Variants in PPP1R9A observed in about 807,000 individuals in gnomAD.
PPP1R9A encodes the protein protein phosphatase 1 regulatory subunit 9A.
A neutral mutation model predicts 141.9 loss-of-function variants in PPP1R9A; 59 were observed. The observed-to-expected ratio is 0.42, with a 90% CI of 0.34 to 0.52. The LOEUF is 0.52. Among genes scored for constraint, PPP1R9A ranks in the 20% least tolerant of loss-of-function variants. PPP1R9A has a pLI of 0.10. For missense variants in PPP1R9A, 1,444 were observed against 1,611.9 expected (o/e 0.90, Z 1.78); for synonymous variants, 500 against 569.7 (o/e 0.88, Z 1.74).
intron 7 of PPP1R9A, among the ~76,000 whole-genome samples, chr7:95,224,708 G>A (rs1794904439): frequency 6.6e-6 from 1 of 152,034 alleles, no homozygotes; most frequent in African/African-American, 2.4e-5. Context: ...GCAAACATAG[G>A]TGGGGGGAAA....
chr7:95,108,005 T>C (rs1452548108), intron 2 of PPP1R9A, among the ~76,000 whole-genome samples: 14 of 152,088 alleles, frequency 9.2e-5, no homozygotes, highest in Admixed American at 9.2e-4. Flanking sequence ...ACTAAGTGTT[T>C]TATTGTTTTG....
At chr7:95,216,796 G>A (rs987742269) in intron 7 of PPP1R9A, among the ~76,000 whole-genome samples, 14 of 152,164 alleles carry the variant, frequency 9.2e-5, no homozygotes, top group Non-Finnish European at 1.9e-4. Context: ...AAGAATGCTT[G>A]TGATTTTTGC....
At position 95,010,373 on chromosome 7, in the gene PPP1R9A, C is replaced by T. The variant is rs183871885; in HGVS notation, c.1395+98865C>T. 8.1e-4 allele frequency among the ~76,000 whole-genome samples: 124 copies of T among 152,148 alleles called. 3 individuals carry two copies. The East Asian group carries it at 0.014, about 17-fold the overall frequency. ...GAGCTGTGATTGTGCCACTGCACTCCAGCCTGGGTAACAGAGTGAGACTCT... is the reference window on the plus strand; with the variant it reads ...GAGCTGTGATTGTGCCACTGCACTCTAGCCTGGGTAACAGAGTGAGACTCT... On this transcript the variant is annotated intron_variant, in intron 2 of 19. Transcript: ENST00000433360.
intron 5 of PPP1R9A, among the ~76,000 whole-genome samples, chr7:95,194,057 A>G (rs552288964): frequency 4.5e-4 from 68 of 151,950 alleles, no homozygotes; most frequent in Middle Eastern, 3.2e-3. Context: ...GCTACCCTCA[A>G]TTTCCTGTCA....
intron 2 of PPP1R9A, among the ~76,000 whole-genome samples, chr7:94,953,397 C>G (rs1388406863): frequency 6.6e-6 from 1 of 152,130 alleles, no homozygotes; most frequent in African/African-American, 2.4e-5. Context: ...TAGCATGATG[C>G]CTCCAGCTTT....
At chr7:95,041,966 A>G (rs1281352367) in intron 2 of PPP1R9A, among the ~76,000 whole-genome samples, 3 of 152,098 alleles carry the variant, frequency 2.0e-5, no homozygotes, top group Non-Finnish European at 4.4e-5. Flanking sequence ...GTCAAAATAC[A>G]TGGCCAGTAA....
chr7:95,014,246 T>C (rs1297864124), intron 2 of PPP1R9A, among the ~76,000 whole-genome samples: 1 of 152,116 alleles, frequency 6.6e-6, no homozygotes, highest in Non-Finnish European at 1.5e-5. Flanking sequence ...TGATCTAGGC[T>C]CAGACATTAA....
chr7:95,134,087 A>C (rs1043664678), intron 4 of PPP1R9A, among the ~76,000 whole-genome samples: 2 of 152,158 alleles, frequency 1.3e-5, no homozygotes, highest in Admixed American at 6.5e-5. Flanking sequence ...TCAACGATAG[A>C]CTGGATAAAG....
At chr7:95,198,204 C>A (rs1836573972) in intron 5 of PPP1R9A, 145 bp from the exon 6 acceptor site, 2 of 665,826 alleles carry the variant, frequency 3.0e-6, no homozygotes, top group Non-Finnish European at 4.5e-6. Context: ...TTTCTTCTCA[C>A]CCAAGAAAAC....
intron 2 of PPP1R9A, among the ~76,000 whole-genome samples, chr7:95,104,984 C>A (rs1175158621): frequency 2.6e-5 from 4 of 152,158 alleles, no homozygotes; most frequent in Non-Finnish European, 5.9e-5. Flanking sequence ...CTTTGCTAGC[C>A]ATCATCTGAA....
intron 2 of PPP1R9A, among the ~76,000 whole-genome samples, chr7:95,038,431 T>A (rs768464116): frequency 1.3e-5 from 2 of 152,116 alleles, no homozygotes; most frequent in Non-Finnish European, 2.9e-5. Context: ...GCTTTACCTA[T>A]AAGGAACCCC....
intron 5 of PPP1R9A, among the ~76,000 whole-genome samples, chr7:95,189,999 T>A (rs1244646842): frequency 6.6e-6 from 1 of 152,222 alleles, no homozygotes; most frequent in Non-Finnish European, 1.5e-5. Flanking sequence ...CTTTCTCTGG[T>A]ATCTACTTGA....
intron 6 of PPP1R9A, among the ~76,000 whole-genome samples, chr7:95,200,345 T>C (rs917996442): frequency 6.6e-6 from 1 of 151,706 alleles, no homozygotes; most frequent in African/African-American, 2.4e-5. Context: ...TAGCTCACTA[T>C]ATCCTTGAGC....
intron 2 of PPP1R9A, among the ~76,000 whole-genome samples, chr7:94,924,108 A>C (rs769459026): frequency 1.3e-5 from 2 of 152,216 alleles, no homozygotes; most frequent in Non-Finnish European, 2.9e-5. Context: ...ACATTAACAG[A>C]CAAACCATGT....
chr7:95,096,190 T>C (rs1271468478), intron 2 of PPP1R9A, among the ~76,000 whole-genome samples: 2 of 152,180 alleles, frequency 1.3e-5, no homozygotes, highest in African/African-American at 4.8e-5. Flanking sequence ...ACAATGCATA[T>C]ATTTTACATA....
Position 95,290,360 on chromosome 7 carries a change from G to A in PPP1R9A, c.*57G>A, listed in dbSNP as rs972058184. The A allele has an allele frequency of 6.6e-7, 1 of 1,513,534 alleles. No individual in the cohort carries two copies. The highest frequency in any genetic ancestry group is 8.9e-7 in the Non-Finnish European group (1 of 1,117,736). The allele number at this position is 1,513,534 out of a possible 1,614,324, so 93.8% of individuals were successfully genotyped here. ...CCAAGAGAAGTCCCCACCTCTTCCTGCCCTGCTCTCCTCCAGAGGATGAAA... is the reference window on the plus strand; with the variant it reads ...CCAAGAGAAGTCCCCACCTCTTCCTACCCTGCTCTCCTCCAGAGGATGAAA... On this transcript the variant is annotated 3_prime_UTR_variant, in exon 20 of 20. Coordinates refer to ENST00000433360, the MANE Select transcript of PPP1R9A (RefSeq NM_001166160.2).
intron 2 of PPP1R9A, among the ~76,000 whole-genome samples, chr7:94,912,632 T>C (rs1014648724): frequency 3.9e-5 from 6 of 152,194 alleles, no homozygotes; most frequent in African/African-American, 9.7e-5. Flanking sequence ...TAAATTTACA[T>C]AGAAATATTT....
intron 2 of PPP1R9A, among the ~76,000 whole-genome samples, chr7:95,052,623 T>TA (rs1339312563): frequency 6.6e-6 from 1 of 152,182 alleles, no homozygotes; most frequent in Non-Finnish European, 1.5e-5. Context: ...CTTAAGAATT[T>TA]ATGTCATACA....
chr7:95,272,647 T>C (rs986800735), intron 14 of PPP1R9A, among the ~76,000 whole-genome samples: 3 of 152,256 alleles, frequency 2.0e-5, no homozygotes, highest in African/African-American at 7.2e-5. Flanking sequence ...TGTCCTGTGC[T>C]GCTTGAGAGC....
Sources: allele counts gnomAD v4.1 joint callset (sites outside exome capture counted in the v4.1 genomes callset), GRCh38; gene constraint gnomAD v4.1.1; transcripts MANE v1.5; gene names NCBI Gene and HGNC (gene_info 2026-07-23, HGNC 2026-07-21).